The following RC3H2 variants were observed in gnomAD, a reference collection of about 807,000 sequenced individuals.
RC3H2 encodes the protein ring finger and CCCH-type domains 2.
In RC3H2, 31 loss-of-function variants were observed where a neutral mutation model predicts 133.3. That is an observed-to-expected ratio of 0.23 (90% CI 0.17 to 0.31). The LOEUF (loss-of-function observed/expected upper bound fraction) is 0.31, where lower values mean the gene tolerates loss of function less well. Among genes scored for constraint, RC3H2 ranks in the 10% least tolerant of loss-of-function variants. The pLI, the probability that RC3H2 is intolerant of heterozygous loss-of-function variation, is 1.00. For synonymous variants in RC3H2, 517 were observed against 502.2 expected (o/e 1.03, Z -0.40); for missense variants, 1,175 against 1,437.2 (o/e 0.82, Z 2.95).
At chr9:122,858,117 T>C in intron 12 of RC3H2, 24 bp from the exon 13 acceptor site, 1 of 1,607,124 alleles carries the variant, frequency 6.2e-7, no homozygotes, top group Non-Finnish European at 8.5e-7. Context: ...AAAGAAACAA[T>C]CTTAATCATC....
Position 122,877,593 on chromosome 9 carries a change from T to C in RC3H2, c.1213-10A>G. ...TGCTGTTTGGCTGAGGCTACAAAAA[T>C]GGGAACACATTCAATGAGTGGCAAG... On this transcript the variant is annotated splice_polypyrimidine_tract_variant and intron_variant, in intron 8 of 20. Coordinates refer to ENST00000357244, the MANE Select transcript of RC3H2 (RefSeq NM_001100588.3). 1.2e-6 allele frequency: 2 copies of C among 1,608,434 alleles called. No homozygotes were observed.
At chr9:122,899,118 T>TTTC (rs1491102784) in intron 1 of RC3H2, among the ~76,000 whole-genome samples, 5 of 60,542 alleles carry the variant, frequency 8.3e-5, no homozygotes, top group African/African-American at 2.8e-4. Context: ...TTTTTTTTTT[T>TTTC]CAGAGACAGA....
chr9:122,891,416 T>C (rs1445789325), intron 3 of RC3H2, among the ~76,000 whole-genome samples: 2 of 152,200 alleles, frequency 1.3e-5, no homozygotes, highest in African/African-American at 2.4e-5. Flanking sequence ...ACTTAGCCAA[T>C]TGTAGATCAC....
intron 9 of RC3H2, among the ~76,000 whole-genome samples, chr9:122,866,596 G>A (rs1050506428): frequency 2.0e-5 from 3 of 152,036 alleles, no homozygotes; most frequent in Non-Finnish European, 2.9e-5. Flanking sequence ...TGGTGAAGAC[G>A]GGGTTTCACT....
intron 5 of RC3H2, 95 bp from the exon 6 acceptor site, chr9:122,880,889 T>G: frequency 1.2e-6 from 1 of 819,048 alleles, no homozygotes; most frequent in Non-Finnish European, 2.0e-6. Context: ...GGGGGATACT[T>G]ACATATCAGA....
At chr9:122,857,130 G>A (rs1194928069) in intron 13 of RC3H2, among the ~76,000 whole-genome samples, 4 of 152,166 alleles carry the variant, frequency 2.6e-5, no homozygotes, top group East Asian at 1.9e-4. Flanking sequence ...GTTGATAACC[G>A]TGGAACCTGG....
intron 4 of RC3H2, chr9:122,890,104 G>C: frequency 8.2e-6 from 5 of 610,720 alleles, no homozygotes; most frequent in Non-Finnish European, 1.5e-5. Flanking sequence ...CTGCGCCACT[G>C]CACTCCAGCC....
intron 8 of RC3H2, among the ~76,000 whole-genome samples, chr9:122,878,153 G>A (rs1245741640): frequency 1.3e-5 from 2 of 152,210 alleles, no homozygotes; most frequent in Admixed American, 1.3e-4. Context: ...ATGAGCCTAG[G>A]ATGAAAACAT....
chr9:122,860,088 C>CT lies in RC3H2; in HGVS notation c.1677dup (p.Ala560SerfsTer8). On this transcript the variant is annotated frameshift_variant, in exon 11 of 21. Transcript: ENST00000357244. LOFTEE classifies it high-confidence loss of function. ...ACATTAGAGGGCCCAGCTGAGGTAG[C>CT]TGCTACATTACTTACAGGAGTCTTG... 1 of 1,614,066 alleles carries CT rather than the reference C, an allele frequency of 6.2e-7. No homozygotes were observed. Among genetic ancestry groups the CT allele is most frequent in the Non-Finnish European group, 8.5e-7 (1 of 1,179,998 alleles).
intron 2 of RC3H2, among the ~76,000 whole-genome samples, chr9:122,894,946 A>C (rs184280007): frequency 6.6e-6 from 1 of 152,302 alleles, no homozygotes; most frequent in Admixed American, 6.5e-5. Flanking sequence ...CAGTAACTAC[A>C]AAAGCCATCA....
intron 18 of RC3H2, 21 bp downstream of exon 18, chr9:122,853,931 C>CGAAA: frequency 6.2e-7 from 1 of 1,614,136 alleles, no homozygotes; most frequent in Non-Finnish European, 8.5e-7. Context: ...AGCATGAAGC[C>CGAAA]GAAAGGTTCA....
At chr9:122,861,213 G>A (rs558216978) in intron 10 of RC3H2, among the ~76,000 whole-genome samples, 9 of 152,092 alleles carry the variant, frequency 5.9e-5, no homozygotes, top group Admixed American at 4.6e-4. Flanking sequence ...AATTTCGGCC[G>A]GGCACGGTGG....
intron 9 of RC3H2, among the ~76,000 whole-genome samples, chr9:122,869,813 G>A (rs1277723225): frequency 2.0e-5 from 3 of 152,134 alleles, no homozygotes; most frequent in South Asian, 2.1e-4. Context: ...CAAGTGATCC[G>A]CCTGCCTTGG....
Position 122,905,232 on chromosome 9 carries a change from C to G in RC3H2, c.-190G>C, listed in dbSNP as rs1832797223. The G allele has an allele frequency of 1.0e-6, 1 of 985,434 alleles. No homozygotes were observed. Among genetic ancestry groups the G allele is most frequent in the Non-Finnish European group, 1.2e-6 (1 of 829,952 alleles). 61.0% of individuals were successfully genotyped at this position (985,434 alleles called of 1,614,324 possible). ...TCGGCGGAGGTTTCACGACCTCAAA[C>G]TCCATCGGGAGCTACAGGGACAGCC... On this transcript the variant is annotated 5_prime_UTR_variant, in exon 1 of 21. Coordinates refer to ENST00000357244, the MANE Select transcript of RC3H2 (RefSeq NM_001100588.3).
At chr9:122,884,805 A>T (rs1013867819) in intron 4 of RC3H2, among the ~76,000 whole-genome samples, 2 of 151,654 alleles carry the variant, frequency 1.3e-5, no homozygotes, top group Non-Finnish European at 2.9e-5. Flanking sequence ...GTGAGCCGAG[A>T]TTACGCCACT....
At position 122,865,342 on chromosome 9, in the gene RC3H2, T is replaced by C. The variant is rs1830600431; in HGVS notation, c.1634+7A>G. 1 of 1,591,852 alleles carries C rather than the reference T, an allele frequency of 6.3e-7. No homozygotes were observed. Among genetic ancestry groups the C allele is most frequent in the Non-Finnish European group, 8.6e-7 (1 of 1,165,946 alleles). ...ATTTCCAGTAATCATTTTTACCTAA[T>C]ACCTACTTTTCAGTTACAGAATCTG... On this transcript the variant is annotated splice_region_variant and intron_variant, in intron 10 of 20. Coordinates refer to ENST00000357244, the MANE Select transcript of RC3H2 (RefSeq NM_001100588.3).
chr9:122,889,312 TTC>T (rs1832063752), intron 4 of RC3H2, among the ~76,000 whole-genome samples: 1 of 152,180 alleles, frequency 6.6e-6, no homozygotes, highest in African/African-American at 2.4e-5. Flanking sequence ...AAGAAATATA[TTC>T]TTTTATTGGT....
At chr9:122,903,917 T>C (rs184795563) in intron 1 of RC3H2, among the ~76,000 whole-genome samples, 275 of 152,344 alleles carry the variant, frequency 1.8e-3, no homozygotes, top group African/African-American at 5.8e-3. Flanking sequence ...AAGGAGAATC[T>C]ATTAATATTC....
At chr9:122,891,940 C>G (rs1023091682) in intron 3 of RC3H2, among the ~76,000 whole-genome samples, 1 of 152,174 alleles carries the variant, frequency 6.6e-6, no homozygotes, top group African/African-American at 2.4e-5. Flanking sequence ...TCCATGATGG[C>G]AGTGACCTTA....
Sources: gnomAD v4.1 joint callset for allele counts (sites outside exome capture counted in the v4.1 genomes callset) on GRCh38, gnomAD v4.1.1 for gene constraint, MANE v1.5 for transcripts, NCBI Gene and HGNC (gene_info 2026-07-23, HGNC 2026-07-21) for gene names.